Variants in LRRTM4 observed in about 807,000 individuals in gnomAD.
LRRTM4 encodes the protein leucine-rich repeat transmembrane neuronal protein 4.
A neutral mutation model predicts 47.6 loss-of-function variants in LRRTM4; 25 were observed. The observed-to-expected ratio is 0.53, with a 90% CI of 0.38 to 0.73. LRRTM4 has a LOEUF of 0.73. LRRTM4 is among the 30% of genes least tolerant of loss of function. The probability of loss-of-function intolerance (pLI) is 0.00; values close to 1 mark genes in which losing one functional copy is unlikely to be tolerated. For synonymous variants in LRRTM4, 311 were observed against 269.5 expected, an observed-to-expected ratio of 1.15 and a Z score of -1.51; for missense variants, 638 against 713.4, an observed-to-expected ratio of 0.89 and a Z score of 1.20.
At chr2:77,175,966 C>CT (rs759715146) in intron 3 of LRRTM4, among the ~76,000 whole-genome samples, 3,141 of 138,092 alleles carry the variant, frequency 0.023, 103 homozygotes, top group African/African-American at 0.074. Flanking sequence ...CTACTCCCGT[C>CT]TTTTTTTTTT....
intron 3 of LRRTM4, among the ~76,000 whole-genome samples, chr2:77,303,591 C>T (rs370493267): frequency 6.6e-6 from 1 of 152,124 alleles, no homozygotes; most frequent in African/African-American, 2.4e-5. Flanking sequence ...CACTTTTTAA[C>T]TCTGATCACA....
intron 3 of LRRTM4, among the ~76,000 whole-genome samples, chr2:77,234,370 C>T (rs994514965): frequency 6.6e-6 from 1 of 152,242 alleles, no homozygotes; most frequent in Non-Finnish European, 1.5e-5. Flanking sequence ...CCTTAGCTCA[C>T]AAAATGGAAT....
At chr2:76,987,155 C>A (rs563575936) in intron 3 of LRRTM4, among the ~76,000 whole-genome samples, 1 of 151,740 alleles carries the variant, frequency 6.6e-6, no homozygotes, top group Non-Finnish European at 1.5e-5. Context: ...TAAGAATTGT[C>A]TTTTACAGTA....
At chr2:77,018,070 C>T (rs1023777340) in intron 3 of LRRTM4, among the ~76,000 whole-genome samples, 1 of 151,772 alleles carries the variant, frequency 6.6e-6, no homozygotes, top group Non-Finnish European at 1.5e-5. Flanking sequence ...CTTTGGTATA[C>T]AAATTGTTTA....
At chr2:77,354,553 C>A (rs1671902473) in intron 3 of LRRTM4, among the ~76,000 whole-genome samples, 1 of 151,926 alleles carries the variant, frequency 6.6e-6, no homozygotes, top group South Asian at 2.1e-4. Context: ...TCATCATGGG[C>A]AAGTATTTTA....
intron 3 of LRRTM4, among the ~76,000 whole-genome samples, chr2:77,037,810 G>T (rs902413609): frequency 2.0e-5 from 3 of 151,660 alleles, no homozygotes; most frequent in African/African-American, 7.2e-5. Flanking sequence ...ATAATAGATT[G>T]CAAGTGCTCT....
intron 3 of LRRTM4, among the ~76,000 whole-genome samples, chr2:77,250,528 T>A (rs1675574216): frequency 6.6e-6 from 1 of 152,200 alleles, no homozygotes; most frequent in Non-Finnish European, 1.5e-5. Flanking sequence ...ATACACTATG[T>A]AAATATAATC....
intron 3 of LRRTM4, among the ~76,000 whole-genome samples, chr2:77,187,344 A>C (rs1673540056): frequency 6.6e-6 from 1 of 152,032 alleles, no homozygotes; most frequent in Non-Finnish European, 1.5e-5. Context: ...TTTTCTCCTG[A>C]GAACACTTCT....
At chr2:77,018,895 A>G (rs1324074732) in intron 3 of LRRTM4, among the ~76,000 whole-genome samples, 1 of 152,178 alleles carries the variant, frequency 6.6e-6, no homozygotes, top group Non-Finnish European at 1.5e-5. Flanking sequence ...GTCTAATTTT[A>G]CAATGGATTT....
intron 3 of LRRTM4, among the ~76,000 whole-genome samples, chr2:77,447,461 C>G (rs1424085095): frequency 6.6e-6 from 1 of 152,096 alleles, no homozygotes; most frequent in African/African-American, 2.4e-5. Context: ...CCTGACACAT[C>G]ACTGAGGTAT....
intron 3 of LRRTM4, among the ~76,000 whole-genome samples, chr2:76,833,069 G>A (rs1421647257): frequency 6.6e-6 from 1 of 152,056 alleles, no homozygotes; most frequent in Non-Finnish European, 1.5e-5. Flanking sequence ...TGCAATGACT[G>A]TTAGCTATTT....
chr2:76,898,715 T>G (rs570506763), intron 3 of LRRTM4, among the ~76,000 whole-genome samples: 2 of 151,568 alleles, frequency 1.3e-5, no homozygotes, highest in South Asian at 4.1e-4. Flanking sequence ...TTATGGAAAA[T>G]ATCTACTATA....
chr2:77,394,733 T>C (rs1558722948), intron 3 of LRRTM4, among the ~76,000 whole-genome samples: 2 of 151,986 alleles, frequency 1.3e-5, no homozygotes, highest in Admixed American at 6.6e-5. Context: ...GGGTAGAGAC[T>C]TAATGTTTAA....
chr2:77,269,462 T>C (rs1454261948), intron 3 of LRRTM4, among the ~76,000 whole-genome samples: 2 of 152,178 alleles, frequency 1.3e-5, no homozygotes, highest in Non-Finnish European at 2.9e-5. Context: ...CACATTGCAT[T>C]GTTAATGACA....
At chr2:77,185,804 CA>C (rs1319509530) in intron 3 of LRRTM4, among the ~76,000 whole-genome samples, 2 of 152,116 alleles carry the variant, frequency 1.3e-5, no homozygotes, top group African/African-American at 2.4e-5. Flanking sequence ...TAAGGTCAAA[CA>C]GGCCTAGTTT....
intron 3 of LRRTM4, among the ~76,000 whole-genome samples, chr2:77,360,476 T>TAC (rs1672151691): frequency 8.9e-5 from 11 of 123,194 alleles, no homozygotes; most frequent in Middle Eastern, 3.8e-3. Context: ...CAATACGATA[T>TAC]GATACGATAC....
chr2:77,343,737 C>G (rs539352828), intron 3 of LRRTM4, among the ~76,000 whole-genome samples: 22 of 151,940 alleles, frequency 1.4e-4, no homozygotes, highest in Non-Finnish European at 5.9e-5. Context: ...TTTATATTAA[C>G]AGTGGTGATA....
chr2:77,129,375 G>T (rs1671735472), intron 3 of LRRTM4, among the ~76,000 whole-genome samples: 1 of 152,208 alleles, frequency 6.6e-6, no homozygotes, highest in Non-Finnish European at 1.5e-5. Flanking sequence ...ATCTGTCACA[G>T]AGTCTTCCTC....
intron 3 of LRRTM4, among the ~76,000 whole-genome samples, chr2:76,981,052 C>G (rs913541041): frequency 6.6e-6 from 1 of 152,020 alleles, no homozygotes; most frequent in African/African-American, 2.4e-5. Flanking sequence ...CTGCTTAACT[C>G]AGTTACAAGT....
Sources: gnomAD v4.1 joint callset for allele counts (sites outside exome capture counted in the v4.1 genomes callset) on GRCh38, gnomAD v4.1.1 for gene constraint, MANE v1.5 for transcripts, NCBI Gene and HGNC (gene_info 2026-07-23, HGNC 2026-07-21) for gene names.